Variants in SLC44A5 observed in about 807,000 individuals in gnomAD.
The protein encoded by SLC44A5 is choline transporter-like protein 5.
Under a neutral mutation model 101.8 loss-of-function variants are expected in SLC44A5, and 57 were observed. The observed-to-expected ratio is 0.56, with a 90% confidence interval of 0.45 to 0.70. The LOEUF is 0.70. Among genes scored for constraint, SLC44A5 ranks in the 30% least tolerant of loss-of-function variants. The probability of loss-of-function intolerance (pLI) is 0.00; values close to 1 mark genes in which losing one functional copy is unlikely to be tolerated. For synonymous variants in SLC44A5, 281 were observed against 290.9 expected (o/e 0.97, Z 0.35); for missense variants, 737 against 853.1 (o/e 0.86, Z 1.70).
At chr1:75,297,602 T>C (rs1039529758) in intron 5 of SLC44A5, among the ~76,000 whole-genome samples, 4 of 152,230 alleles carry the variant, frequency 2.6e-5, no homozygotes, top group African/African-American at 9.6e-5. Flanking sequence ...TAAAAATTTA[T>C]TGAATGTTAA....
intron 5 of SLC44A5, among the ~76,000 whole-genome samples, chr1:75,299,311 T>C (rs1286025125): frequency 2.6e-5 from 4 of 152,208 alleles, no homozygotes. Context: ...TATTTTCCTG[T>C]CTTAATTTTT....
At chr1:75,400,987 A>G (rs1662442130) in intron 2 of SLC44A5, among the ~76,000 whole-genome samples, 1 of 152,208 alleles carries the variant, frequency 6.6e-6, no homozygotes, top group Non-Finnish European at 1.5e-5. Flanking sequence ...TAGACAAGGC[A>G]ACTGCTCTTG....
chr1:75,390,872 C>T (rs1479075762), intron 3 of SLC44A5, among the ~76,000 whole-genome samples: 2 of 151,930 alleles, frequency 1.3e-5, no homozygotes, highest in African/African-American at 4.8e-5. Context: ...CAAAACAAAA[C>T]GGATCTAAAT....
At chr1:75,326,940 C>T (rs1298512078) in intron 4 of SLC44A5, among the ~76,000 whole-genome samples, 1 of 151,960 alleles carries the variant, frequency 6.6e-6, no homozygotes, top group Non-Finnish European at 1.5e-5. Flanking sequence ...CTATAAAATG[C>T]TAATACATAT....
chr1:75,557,690 T>G (rs1672295847), intron 1 of SLC44A5, among the ~76,000 whole-genome samples: 1 of 152,160 alleles, frequency 6.6e-6, no homozygotes, highest in African/African-American at 2.4e-5. Flanking sequence ...TCATTTCCAC[T>G]ATGAGATTAA....
chr1:75,674,637 C>T, the SLC44A5 span, among the ~76,000 whole-genome samples: 1 of 151,850 alleles, frequency 6.6e-6, no homozygotes, highest in Non-Finnish European at 1.5e-5. Context: ...CAACCTCAGC[C>T]TCCCATAATG....
intron 2 of SLC44A5, among the ~76,000 whole-genome samples, chr1:75,506,887 G>A (rs1669286806): frequency 7.3e-6 from 1 of 136,558 alleles, no homozygotes. Flanking sequence ...AGGAATCCTT[G>A]TCTGGTTCCT....
At chr1:75,520,626 T>A (rs1359363515) in intron 2 of SLC44A5, among the ~76,000 whole-genome samples, 1 of 152,080 alleles carries the variant, frequency 6.6e-6, no homozygotes. Context: ...AATGAGAATT[T>A]CAACTGGGAA....
At chr1:75,641,270 A>G in the SLC44A5 span, 211 of 575,086 alleles carry the variant, frequency 3.7e-4, 1 homozygote, top group African/African-American at 3.4e-3. Context: ...AGCATTTAAG[A>G]ACACTTTTGT....
chr1:75,641,982 C>G, the SLC44A5 span: 1 of 1,548,080 alleles, frequency 6.5e-7, no homozygotes, highest in East Asian at 2.2e-5. Flanking sequence ...GGAGAATCAT[C>G]TTCCTCCTCA....
chr1:75,632,387 T>C, the SLC44A5 span, among the ~76,000 whole-genome samples: 1 of 152,178 alleles, frequency 6.6e-6, no homozygotes, highest in Non-Finnish European at 1.5e-5. Flanking sequence ...ACTTCTTTTT[T>C]TTTTTGCTTG....
chr1:75,567,602 A>G (rs1672855778), intron 1 of SLC44A5, among the ~76,000 whole-genome samples: 1 of 152,224 alleles, frequency 6.6e-6, no homozygotes, highest in Non-Finnish European at 1.5e-5. Context: ...GCAAAAATGT[A>G]GATAACTAGA....
At chr1:75,218,454 T>A (rs779362566) in intron 17 of SLC44A5, 36 bp downstream of exon 17, 6 of 1,609,474 alleles carry the variant, frequency 3.7e-6, no homozygotes, top group Middle Eastern at 1.7e-4. Flanking sequence ...TAAATGTAAC[T>A]GACAAGATAG....
the SLC44A5 span, among the ~76,000 whole-genome samples, chr1:75,703,886 A>T: frequency 6.6e-6 from 1 of 151,948 alleles, no homozygotes; most frequent in South Asian, 2.1e-4. Flanking sequence ...TAAAGGAATC[A>T]AAGAAAAAAA....
At chr1:75,653,716 T>C in the SLC44A5 span, among the ~76,000 whole-genome samples, 1 of 152,162 alleles carries the variant, frequency 6.6e-6, no homozygotes, top group Admixed American at 6.5e-5. Flanking sequence ...AATTATTCTA[T>C]CTCTACAGAA....
At chr1:75,397,999 C>A (rs1220205324) in intron 2 of SLC44A5, among the ~76,000 whole-genome samples, 1 of 151,988 alleles carries the variant, frequency 6.6e-6, no homozygotes, top group Admixed American at 6.6e-5. Flanking sequence ...ATGAAGTGCC[C>A]AAAATATAAA....
chr1:75,444,890 A>C (rs994882546), intron 2 of SLC44A5, among the ~76,000 whole-genome samples: 45 of 152,298 alleles, frequency 3.0e-4, no homozygotes, highest in African/African-American at 1.1e-3. Context: ...AGCAGGGTCA[A>C]AAGCTAATGG....
At chr1:75,336,443 C>A (rs548928702) in intron 4 of SLC44A5, among the ~76,000 whole-genome samples, 4 of 152,134 alleles carry the variant, frequency 2.6e-5, no homozygotes, top group Non-Finnish European at 5.9e-5. Context: ...CATGATCCAC[C>A]GTGCCCGGCC....
intron 2 of SLC44A5, among the ~76,000 whole-genome samples, chr1:75,480,110 A>G (rs1441776914): frequency 6.6e-6 from 1 of 152,242 alleles, no homozygotes; most frequent in Non-Finnish European, 1.5e-5. Context: ...ATGCAAATCA[A>G]TAAATGTAAT....
Sources: allele counts gnomAD v4.1 joint callset (sites outside exome capture counted in the v4.1 genomes callset), GRCh38; gene constraint gnomAD v4.1.1; transcripts MANE v1.5; gene names NCBI Gene and HGNC (gene_info 2026-07-23, HGNC 2026-07-21).